Variants in MARCHF1 observed in about 807,000 individuals in gnomAD.
MARCHF1 encodes the protein membrane associated ring-CH-type finger 1, also known as E3 ubiquitin-protein ligase MARCHF1.
MARCHF1 carries 40 observed loss-of-function variants against 54.2 expected under a neutral mutation model. The ratio of observed to expected loss-of-function variants is 0.74; its 90% CI spans 0.57 to 0.96. MARCHF1 has a LOEUF of 0.96. Ranked by LOEUF, MARCHF1 falls within the 40% of genes least tolerant of loss-of-function variation. The pLI is 0.00. For missense variants in MARCHF1, 586 were observed against 656.5 expected (o/e 0.89, Z 1.17); for synonymous variants, 236 against 236.3 (o/e 1.00, Z 0.01).
chr4:163,904,209 C>G (rs751438098), intron 3 of MARCHF1, among the ~76,000 whole-genome samples: 2 of 152,030 alleles, frequency 1.3e-5, no homozygotes, highest in African/African-American at 2.4e-5. Flanking sequence ...TAAAATTAAG[C>G]CTTGAAGTCT....
chr4:163,784,728 A>C (rs1747567674), intron 4 of MARCHF1, among the ~76,000 whole-genome samples: 1 of 152,196 alleles, frequency 6.6e-6, no homozygotes, highest in African/African-American at 2.4e-5. Flanking sequence ...TGAAAACAGT[A>C]ATCATTAAAT....
At chr4:164,163,874 A>T (rs112140154) in intron 1 of MARCHF1, among the ~76,000 whole-genome samples, 2 of 152,076 alleles carry the variant, frequency 1.3e-5, no homozygotes, top group South Asian at 4.1e-4. Context: ...ACAGTAATAG[A>T]AAGTATGTTC....
chr4:164,035,725 AGATTTCCT>A (rs1033952056), intron 2 of MARCHF1, among the ~76,000 whole-genome samples: 1 of 151,728 alleles, frequency 6.6e-6, no homozygotes. Context: ...CAAATGTAGT[AGATTTCCT>A]GGTTCCAAGT....
At chr4:163,627,044 G>T (rs1486356708) in intron 5 of MARCHF1, among the ~76,000 whole-genome samples, 3 of 152,192 alleles carry the variant, frequency 2.0e-5, no homozygotes, top group Non-Finnish European at 4.4e-5. Flanking sequence ...TAAATTTTTA[G>T]AATGTACTTA....
intron 3 of MARCHF1, among the ~76,000 whole-genome samples, chr4:163,899,955 G>T (rs1299669183): frequency 1.3e-5 from 2 of 151,346 alleles, no homozygotes; most frequent in Admixed American, 1.3e-4. Context: ...TAGCCTTAAA[G>T]TATTTTTCCT....
At chr4:164,311,822 A>G (rs1237481479) in intron 1 of MARCHF1, among the ~76,000 whole-genome samples, 1 of 152,238 alleles carries the variant, frequency 6.6e-6, no homozygotes, top group African/African-American at 2.4e-5. Context: ...ATATGCACCA[A>G]ATAATAAAGA....
intron 4 of MARCHF1, among the ~76,000 whole-genome samples, chr4:163,838,527 A>T (rs1749254171): frequency 6.6e-6 from 1 of 152,136 alleles, no homozygotes; most frequent in Non-Finnish European, 1.5e-5. Flanking sequence ...CAACGATCTA[A>T]GTACATTTAT....
intron 5 of MARCHF1, among the ~76,000 whole-genome samples, chr4:163,633,625 A>G (rs1456846008): frequency 2.0e-5 from 3 of 152,032 alleles, no homozygotes; most frequent in African/African-American, 4.8e-5. Context: ...TCTGATTGGT[A>G]TACCTGAAAG....
At chr4:163,551,166 A>C (rs1739095205) in intron 8 of MARCHF1, among the ~76,000 whole-genome samples, 1 of 152,240 alleles carries the variant, frequency 6.6e-6, no homozygotes, top group African/African-American at 2.4e-5. Context: ...GAAAAAAATT[A>C]CATAATTCAT....
At chr4:164,249,714 A>G (rs1311273322) in intron 1 of MARCHF1, among the ~76,000 whole-genome samples, 1 of 151,956 alleles carries the variant, frequency 6.6e-6, no homozygotes, top group Non-Finnish European at 1.5e-5. Flanking sequence ...CAGTTAAAAA[A>G]AAATGACCCA....
chr4:163,929,339 A>T (rs993391903), intron 3 of MARCHF1, among the ~76,000 whole-genome samples: 1 of 152,054 alleles, frequency 6.6e-6, no homozygotes, highest in African/African-American at 2.4e-5. Flanking sequence ...TATTATAGGC[A>T]AAGCACTTAA....
intron 1 of MARCHF1, among the ~76,000 whole-genome samples, chr4:164,177,850 CAG>C (rs1730731449): frequency 1.3e-5 from 2 of 150,110 alleles, no homozygotes; most frequent in South Asian, 4.2e-4. Context: ...CAAAGAAAGA[CAG>C]AGACAGAGAA....
chr4:163,735,334 G>C (rs1746004989), intron 4 of MARCHF1, among the ~76,000 whole-genome samples: 1 of 152,026 alleles, frequency 6.6e-6, no homozygotes, highest in Admixed American at 6.6e-5. Context: ...CATGGTTATG[G>C]AGAACTTGTC....
chr4:163,688,277 G>C lies in MARCHF1; in HGVS notation c.162+12536C>G, dbSNP rs144270519. On this transcript the variant is annotated intron_variant, in intron 5 of 9. Transcript: ENST00000514618. The stretch of plus-strand genomic sequence containing the variant: ...TACTTAATAATATAAGAAATAAAAT[G>C]AGATAATAAGAAGAGATGGTGTAAT... 9.5e-3 allele frequency among the ~76,000 whole-genome samples: 1,453 copies of C among 152,186 alleles called. 28 individuals carry two copies. Among genetic ancestry groups the C allele is most frequent in the African/African-American group, 0.034 (1,395 of 41,550 alleles).
At chr4:164,108,826 A>G (rs920904849) in intron 2 of MARCHF1, among the ~76,000 whole-genome samples, 37 of 152,074 alleles carry the variant, frequency 2.4e-4, no homozygotes, top group African/African-American at 8.9e-4. Flanking sequence ...TTTTATAGGT[A>G]TTACCTTATG....
At chr4:164,302,704 C>T (rs928202865) in intron 1 of MARCHF1, among the ~76,000 whole-genome samples, 58 of 151,364 alleles carry the variant, frequency 3.8e-4, no homozygotes, top group African/African-American at 1.3e-3. Flanking sequence ...ATGGCAAAAC[C>T]CCATCTCTAC....
At chr4:163,687,224 G>A (rs369645691) in intron 5 of MARCHF1, among the ~76,000 whole-genome samples, 37 of 151,800 alleles carry the variant, frequency 2.4e-4, no homozygotes, top group African/African-American at 7.7e-4. Context: ...GAGGTGAGAA[G>A]TCAGATCTTT....
rs149003603 is a variant in MARCHF1 at position 163,876,662 on chromosome 4, A to G, written c.-38-22493T>C. Reference sequence around the variant, plus strand: ...TAGGCATCAGGATAGAAGCAATATTAGAGATCATGGAAATAGATGGTATTG... The same window carrying G: ...TAGGCATCAGGATAGAAGCAATATTGGAGATCATGGAAATAGATGGTATTG... On this transcript the variant is annotated intron_variant, in intron 3 of 9. Transcript: ENST00000514618. 4.7e-3 allele frequency among the ~76,000 whole-genome samples: 722 copies of G among 152,276 alleles called. 5 individuals are homozygous for G. The highest frequency in any genetic ancestry group is 0.012 in the South Asian group (59 of 4,820).
intron 3 of MARCHF1, among the ~76,000 whole-genome samples, chr4:163,862,015 T>C (rs1377118402): frequency 2.0e-5 from 3 of 152,056 alleles, no homozygotes; most frequent in Non-Finnish European, 4.4e-5. Context: ...GACATTCATA[T>C]GCAAAAAAAT....
Sources: gnomAD v4.1 joint callset for allele counts (sites outside exome capture counted in the v4.1 genomes callset) on GRCh38, gnomAD v4.1.1 for gene constraint, MANE v1.5 for transcripts, NCBI Gene and HGNC (gene_info 2026-07-23, HGNC 2026-07-21) for gene names.